SFI1: variants seen among roughly 807,000 people sequenced by gnomAD.
SFI1 encodes SFI1 centrin binding protein, also known as protein SFI1 homolog.
A neutral mutation model predicts 207.5 loss-of-function variants in SFI1; 195 were observed. That is an observed-to-expected ratio of 0.94 (90% CI 0.84 to 1.06). The LOEUF is 1.06. Ranked by LOEUF, SFI1 falls within the 50% of genes least tolerant of loss-of-function variation. SFI1 has a pLI of 0.00. For missense variants in SFI1, 1,634 were observed against 1,588.0 expected, an observed-to-expected ratio of 1.03 and a Z score of -0.49; for synonymous variants, 630 against 598.9, an observed-to-expected ratio of 1.05 and a Z score of -0.76.
intron 4 of SFI1, among the ~76,000 whole-genome samples, chr22:31,541,223 A>G (rs1334341203): frequency 2.6e-5 from 4 of 151,596 alleles, no homozygotes; most frequent in Non-Finnish European, 5.9e-5. Flanking sequence ...TTCTCCCCCT[A>G]CAAGAAGACA....
chr22:31,602,231 GTA>G lies in SFI1; in HGVS notation c.1566_1567del (p.Trp526GlufsTer28). The G allele has an allele frequency of 6.2e-7, 1 of 1,613,992 alleles. No individual in the cohort carries two copies. Among genetic ancestry groups the G allele is most frequent in the South Asian group, 1.1e-5 (1 of 91,076 alleles). On this transcript the variant is annotated frameshift_variant, in exon 16 of 33. Transcript: ENST00000400288. LOFTEE classifies it high-confidence loss of function. ...TTTTAGGGAGACATTAGAGAAGCAA[GTA>G]TTTTCTCTCTGGAGGCAGAAGATGT... is the stretch of plus-strand genomic sequence containing the variant. The part of the protein sequence containing the change: ...RFHRETLEKQ[V>X]FSLWRQKMFQ...
intron 8 of SFI1, among the ~76,000 whole-genome samples, chr22:31,568,531 C>CA (rs60447566): frequency 0.035 from 1,301 of 36,902 alleles, 83 homozygotes; most frequent in African/African-American, 0.05. Context: ...GACCCTGTCT[C>CA]AAAAAAAAAA....
chr22:31,600,826 A>T (rs1044576941), intron 15 of SFI1, among the ~76,000 whole-genome samples: 4 of 152,232 alleles, frequency 2.6e-5, no homozygotes, highest in Non-Finnish European at 5.9e-5. Flanking sequence ...GACAGTTGCC[A>T]TATGTATTTT....
rs116125433 is a variant in SFI1 at position 31,589,447 on chromosome 22, C to T, written c.1414C>T (p.Leu472=). 6.3e-7 allele frequency: 1 copy of T among 1,592,112 alleles called. No homozygotes were observed. Among genetic ancestry groups the T allele is most frequent in the African/African-American group, 1.4e-5 (1 of 73,628 alleles). ...QYTQKRRYKQ[L]LQARADGHFQ... ...AAGGTTATTCATTCTTTTACTTTAG[C>T]TGCTACAGGCCAGAGCGGATGGTCA... Residue 472 remains leucine, a splice_region_variant and synonymous_variant, in exon 15 of 33, where the codon CTG becomes TTG. Transcript: ENST00000400288.
At chr22:31,598,365 T>A (rs2067480777) in intron 15 of SFI1, among the ~76,000 whole-genome samples, 1 of 152,098 alleles carries the variant, frequency 6.6e-6, no homozygotes, top group African/African-American at 2.4e-5. Flanking sequence ...GAAAGTTCCT[T>A]CATGTCCCCT....
rs1005295876 is a variant in SFI1 at position 31,602,444 on chromosome 22, G to A, written c.1626+151G>A. The A allele has an allele frequency of 1.0e-5, 12 of 1,149,914 alleles. No homozygotes were observed. In the African/African-American group the frequency reaches 1.8e-4, roughly 18 times the overall value. The allele number at this position is 1,149,914 out of a possible 1,614,324, so 71.2% of individuals were successfully genotyped here. ...AGGCAGGGCAGGCTCTGGGGCATCT[G>A]TCCTTTCTCAGTGGAGCCTACAGAC... On this transcript the variant is annotated intron_variant, in intron 16 of 32. Coordinates refer to ENST00000400288, the MANE Select transcript of SFI1 (RefSeq NM_001007467.3).
Position 31,550,287 on chromosome 22 carries a change from G to C in SFI1, c.483G>C (p.Trp161Cys). Residue 161 changes from tryptophan (W) to cysteine (C), a missense_variant, in exon 6 of 33, where the codon TGG becomes TGC. Transcript: ENST00000400288. ...YYLYNLMFQT[W>C]KTYVRQQQEM... is the part of the protein sequence containing the mutation. ...TGTACAACCTGATGTTCCAGACGTG[G>C]AAGACCTATGTGCGTCAGCAGCAGG... 6.2e-7 allele frequency: 1 copy of C among 1,614,138 alleles called. No homozygotes were observed. Among genetic ancestry groups the C allele is most frequent in the Non-Finnish European group, 8.5e-7 (1 of 1,180,020 alleles).
At chr22:31,566,768 A>G (rs1310558097) in intron 8 of SFI1, among the ~76,000 whole-genome samples, 5 of 152,180 alleles carry the variant, frequency 3.3e-5, no homozygotes, top group Admixed American at 6.5e-5. Flanking sequence ...TACTTGACAT[A>G]TAGTTCTCAA....
At chr22:31,578,300 G>A (rs929503100) in intron 10 of SFI1, 82 bp from the exon 11 acceptor site, 13 of 1,348,850 alleles carry the variant, frequency 9.6e-6, no homozygotes, top group East Asian at 7.3e-5. Context: ...CGATAGCCAC[G>A]GCCCTTCAAG....
rs748060106 is a variant in SFI1 at position 31,613,348 on chromosome 22, C to A, written c.2566-6C>A. ...ACCTGGGCCTCACCTCCTGCCCTCC[C>A]TGGAGGTGTGGGCCACGTGGCTGGC... On this transcript the variant is annotated splice_region_variant and splice_polypyrimidine_tract_variant and intron_variant, in intron 25 of 32. Coordinates refer to ENST00000400288, the MANE Select transcript of SFI1 (RefSeq NM_001007467.3). 2.5e-6 allele frequency: 4 copies of A among 1,606,178 alleles called. No individual in the cohort carries two copies. The highest frequency in any genetic ancestry group is 2.6e-6 in the Non-Finnish European group (3 of 1,175,242).
intron 31 of SFI1, 74 bp downstream of exon 31, chr22:31,617,152 C>A: frequency 6.5e-7 from 1 of 1,534,412 alleles, no homozygotes; most frequent in Admixed American, 1.7e-5. Flanking sequence ...CAGGCAGTTC[C>A]ATTTCCCCCG....
intron 1 of SFI1, among the ~76,000 whole-genome samples, chr22:31,496,892 T>G (rs2052745171): frequency 6.6e-6 from 1 of 152,244 alleles, no homozygotes; most frequent in South Asian, 2.1e-4. Flanking sequence ...CGGCTTCTTG[T>G]CTTCCGCCCT....
chr22:31,561,415 T>A (rs769523050), intron 8 of SFI1, 23 bp downstream of exon 8: 1 of 1,600,276 alleles, frequency 6.2e-7, no homozygotes, highest in South Asian at 1.1e-5. Context: ...GACGTGGGAT[T>A]TGGCATCCTC....
At chr22:31,496,355 C>T (rs1348945837), upstream of SFI1, 1 of 152,316 alleles carries the variant, frequency 6.6e-6, no homozygotes, top group African/African-American at 2.4e-5. Flanking sequence ...GTGCATGCTC[C>T]ACGCCCCTCG....
At chr22:31,555,407 A>G (rs1178010911) in intron 6 of SFI1, among the ~76,000 whole-genome samples, 3 of 152,138 alleles carry the variant, frequency 2.0e-5, no homozygotes, top group African/African-American at 4.8e-5. Flanking sequence ...TTTCTGACAT[A>G]AGACAAGTTA....
intron 8 of SFI1, among the ~76,000 whole-genome samples, chr22:31,572,320 G>A (rs2063033850): frequency 6.6e-6 from 1 of 152,148 alleles, no homozygotes; most frequent in South Asian, 2.1e-4. Flanking sequence ...ATCTAAGGGT[G>A]TGCATTTATA....
At chr22:31,608,796 G>C (rs2069530685) in intron 22 of SFI1, among the ~76,000 whole-genome samples, 1 of 152,040 alleles carries the variant, frequency 6.6e-6, no homozygotes, top group Non-Finnish European at 1.5e-5. Context: ...TTAGGGGCCA[G>C]AGACTTTCTA....
chr22:31,603,890 A>G (rs1229463259), intron 18 of SFI1, 71 bp downstream of exon 18: 2 of 1,418,570 alleles, frequency 1.4e-6, no homozygotes, highest in Non-Finnish European at 1.9e-6. Context: ...AGCAGGACTC[A>G]CAGGCAACAT....
chr22:31,498,431 G>C (rs976768547), intron 1 of SFI1, among the ~76,000 whole-genome samples: 8 of 151,916 alleles, frequency 5.3e-5, no homozygotes, highest in African/African-American at 1.2e-4. Flanking sequence ...ATGATTTGTG[G>C]GAAGGGGTTA....
Sources: gnomAD v4.1 joint callset for allele counts (sites outside exome capture counted in the v4.1 genomes callset) on GRCh38, gnomAD v4.1.1 for gene constraint, MANE v1.5 for transcripts, NCBI Gene and HGNC (gene_info 2026-07-23, HGNC 2026-07-21) for gene names.